The following NXF3 variants were observed in gnomAD, a reference collection of about 807,000 sequenced individuals.
The protein encoded by NXF3 is TAP-like protein 3.
NXF3 carries 34 observed loss-of-function variants against 48.4 expected under a neutral mutation model. The observed-to-expected ratio is 0.70, with a 90% CI of 0.53 to 0.93. The LOEUF is 0.93. Ranked by LOEUF, NXF3 falls within the 40% of genes least tolerant of loss-of-function variation. The pLI is 0.00. For missense variants in NXF3, 359 were observed against 406.1 expected (o/e 0.88, Z 1.00); for synonymous variants, 132 against 145.7 (o/e 0.91, Z 0.68).
chrX:103,087,425 A>C, intron 1 of NXF3: 2 of 1,136,622 alleles, frequency 1.8e-6, no homozygotes, highest in South Asian at 3.7e-5. Context: ...CAGCTAACTC[A>C]TAATCTGCCT....
intron 17 of NXF3, 136 bp downstream of exon 17, chrX:103,078,424 G>C (rs1921923299): frequency 1.1e-6 from 1 of 904,586 alleles, no homozygotes. Flanking sequence ...ACTGCTCCTG[G>C]CCCATACTCT....
intron 17 of NXF3, among the ~76,000 whole-genome samples, chrX:103,078,007 A>G (rs1424929112): frequency 8.9e-6 from 1 of 112,026 alleles, no homozygotes; most frequent in Admixed American, 9.5e-5. Flanking sequence ...CAATAGCCCA[A>G]GGGAGTGGAC....
intron 1 of NXF3, among the ~76,000 whole-genome samples, chrX:103,092,336 A>G (rs777918806): frequency 1.0e-5 from 1 of 97,560 alleles, no homozygotes; most frequent in African/African-American, 3.9e-5. Flanking sequence ...AAATTTCAGA[A>G]TACTTTAAAA....
In NXF3 at chrX:103,078,573, C is replaced by G. The variant is rs1371055156; in HGVS notation, c.1438G>C (p.Gly480Arg). The change falls in exon 17 of 20, where the codon GGC (glycine) becomes CGC (arginine). Residue 480 changes from glycine to arginine, a missense_variant. Transcript: ENST00000395065. ...AFTRTFIATP[G>R]SSSSLCIVND... ...CACAGCACTAACCTGGAACTGCTGCCAGGGGTAGCAATGAAGGTCCGGGTG... is the reference window on the plus strand; with the variant it reads ...CACAGCACTAACCTGGAACTGCTGCGAGGGGTAGCAATGAAGGTCCGGGTG... The G allele has an allele frequency of 8.2e-7, 1 of 1,212,139 alleles. No individual in the cohort carries two copies. Among genetic ancestry groups the G allele is most frequent in the South Asian group, 1.8e-5 (1 of 57,012 alleles).
At chrX:103,088,916 CT>C (rs1922215050) in intron 1 of NXF3, 1 of 1,195,124 alleles carries the variant, frequency 8.4e-7, no homozygotes, top group Non-Finnish European at 1.1e-6. Context: ...AATACGAGGT[CT>C]CAGAGTCAGA....
rs750658663 is a variant in NXF3, at chrX:103,077,719, A to C, written c.1479T>G (p.Phe493Leu). The C allele has an allele frequency of 2.9e-5, 35 of 1,211,313 alleles. No individual in the cohort carries two copies. The highest frequency in any genetic ancestry group is 3.8e-5 in the Non-Finnish European group (34 of 895,250). Residue 493 changes from phenylalanine to leucine, a missense_variant, in exon 18 of 20, where the codon TTT becomes TTG. Phe to Leu is a conservative substitution (Grantham distance 22). Coordinates refer to ENST00000395065, the MANE Select transcript of NXF3 (RefSeq NM_022052.2). ...TCCCTTGGTGGCTGGTATCCCGCAC[A>C]AAGAGCTTGTCATTCACGATGCACA... ...SSLCIVNDKL[F>L]VRDTSHQGTQ...
At chrX:103,084,276 A>T (rs530540995) in intron 3 of NXF3, 66 bp downstream of exon 3, 2 of 1,163,173 alleles carry the variant, frequency 1.7e-6, no homozygotes, top group South Asian at 3.8e-5. Context: ...TAGTGTCCAC[A>T]CAAATCCAAC....
At position 103,082,329 on chromosome X, in the gene NXF3, C is replaced by G; in HGVS notation, c.816G>C (p.Gly272=). 1.7e-6 allele frequency: 2 copies of G among 1,208,671 alleles called. No homozygotes were observed. Among genetic ancestry groups the G allele is most frequent in the Non-Finnish European group, 2.2e-6 (2 of 893,130 alleles). Residue 272 remains glycine, a synonymous_variant, in exon 9 of 20, where the codon GGG becomes GGC. Coordinates refer to ENST00000395065, the MANE Select transcript of NXF3 (RefSeq NM_022052.2). ...MSAGEMDKWK[G]IEPGEKCADR... ...CCGCACACTTCTCTCCTGGCTCTATCCCTTTCCACTTGTCCATCTCCCCTG... is the reference window on the plus strand; with the variant it reads ...CCGCACACTTCTCTCCTGGCTCTATGCCTTTCCACTTGTCCATCTCCCCTG...
chrX:103,079,968 A>G, intron 12 of NXF3, 45 bp downstream of exon 12: 1 of 1,202,779 alleles, frequency 8.3e-7, no homozygotes, highest in African/African-American at 1.7e-5. Flanking sequence ...GGGTAAATTC[A>G]TCTGACCTAG....
Position 103,084,506 on chromosome X carries a change from G to A in NXF3, c.198-11C>T. 1 of 1,210,503 alleles carries A rather than the reference G, an allele frequency of 8.3e-7. No homozygotes were observed. Among genetic ancestry groups the A allele is most frequent in the Non-Finnish European group, 1.1e-6 (1 of 894,437 alleles). ...ATAGTATAGGGAGTGCTGTGAGCAA[G>A]TGGAGAAAAGGTAGTTCACATATGC... On this transcript the variant is annotated splice_polypyrimidine_tract_variant and intron_variant, in intron 2 of 19. Transcript: ENST00000395065.
intron 8 of NXF3, 56 bp downstream of exon 8, chrX:103,082,704 C>T (rs113348146): frequency 2.2e-4 from 210 of 968,921 alleles, no homozygotes; most frequent in Non-Finnish European, 3.0e-5. Flanking sequence ...CAATTAGCCT[C>T]CTAGCTAATC....
chrX:103,089,063 T>C, intron 1 of NXF3: 5 of 1,103,038 alleles, frequency 4.5e-6, no homozygotes. Context: ...AGGAGAAAAA[T>C]GATGTCTTCC....
rs779085144 is a variant in NXF3 at position 103,082,836 on chromosome X, C to T, written c.704G>A (p.Arg235His). 1.2e-5 allele frequency: 14 copies of T among 1,206,879 alleles called. No individual in the cohort carries two copies. The highest frequency in any genetic ancestry group is 3.5e-5 in the South Asian group (2 of 56,698). ...RLPFYPDMVN[R>H]DTKMASNPRK... ...AGGATTCGATGCCATCTTAGTATCA[C>T]GGTTCACCATGTCTCCAGAAAGCAG... Residue 235 changes from arginine to histidine, a missense_variant, in exon 8 of 20, where the codon CGT becomes CAT. By Grantham distance (29) the Arg-to-His change is conservative. Coordinates refer to ENST00000395065, the MANE Select transcript of NXF3 (RefSeq NM_022052.2).
intron 1 of NXF3, 151 bp downstream of exon 1, chrX:103,092,845 C>G: frequency 1.8e-6 from 1 of 554,906 alleles, no homozygotes; most frequent in Admixed American, 2.9e-5. Context: ...GAGAAGGCCA[C>G]AAGACTCAGG....
rs1442382979 is a variant in NXF3 at position 103,077,580 on chromosome X, T to C, written c.1584+34A>G. 2.5e-6 allele frequency: 3 copies of C among 1,203,905 alleles called. No individual in the cohort carries two copies. In the Admixed American group the frequency reaches 6.6e-5, roughly 26 times the overall value. On this transcript the variant is annotated intron_variant, in intron 18 of 19. Coordinates refer to ENST00000395065, the MANE Select transcript of NXF3 (RefSeq NM_022052.2). ...CACTCACTTCTGAGGCAACTGGTAGTTCATCCCCCAGACTGGGCAGAGAAA... is the reference window on the plus strand; with the variant it reads ...CACTCACTTCTGAGGCAACTGGTAGCTCATCCCCCAGACTGGGCAGAGAAA...
At chrX:103,084,992 T>TC in intron 1 of NXF3, 109 bp from the exon 2 acceptor site, 3 of 765,214 alleles carry the variant, frequency 3.9e-6, no homozygotes, top group Non-Finnish European at 5.8e-6. Flanking sequence ...AGAGTCAGGA[T>TC]CTGGCTCTAC....
At chrX:103,080,408 C>T (rs1360406568) in intron 10 of NXF3, among the ~76,000 whole-genome samples, 168 bp downstream of exon 10, 1 of 111,715 alleles carries the variant, frequency 9.0e-6, no homozygotes, top group Non-Finnish European at 1.9e-5. Context: ...AGAAGCTCCA[C>T]AGGCTCTGCC....
chrX:103,089,088 G>A, intron 1 of NXF3: 1 of 1,010,049 alleles, frequency 9.9e-7, no homozygotes, highest in South Asian at 1.9e-5. Flanking sequence ...CCGACGCAGT[G>A]TTTGTGCTAG....
At chrX:103,080,281 G>A in intron 10 of NXF3, 65 bp from the exon 11 acceptor site, 1 of 1,050,572 alleles carries the variant, frequency 9.5e-7, no homozygotes, top group Non-Finnish European at 1.3e-6. Flanking sequence ...TTACGGAAAA[G>A]GATAGACCCA....
Sources: gnomAD v4.1 joint callset for allele counts (sites outside exome capture counted in the v4.1 genomes callset) on GRCh38, gnomAD v4.1.1 for gene constraint, MANE v1.5 for transcripts, NCBI Gene and HGNC (gene_info 2026-07-23, HGNC 2026-07-21) for gene names.